CTNNA3: variants seen among roughly 807,000 people sequenced by gnomAD.
CTNNA3 encodes catenin alpha 3.
In CTNNA3, 76 loss-of-function variants were observed where a neutral mutation model predicts 95.7. The ratio of observed to expected loss-of-function variants is 0.79; its 90% CI spans 0.66 to 0.96. CTNNA3 has a LOEUF of 0.96. Ranked by LOEUF, CTNNA3 falls within the 40% of genes least tolerant of loss-of-function variation. CTNNA3 has a pLI of 0.00. For synonymous variants in CTNNA3, 431 were observed against 374.4 expected (o/e 1.15, Z -1.74); for missense variants, 1,191 against 1,089.8 (o/e 1.09, Z -1.31).
chr10:66,512,150 A>G (rs955762917), intron 11 of CTNNA3, among the ~76,000 whole-genome samples: 11 of 151,480 alleles, frequency 7.3e-5, no homozygotes, highest in Non-Finnish European at 1.6e-4. Context: ...TTATCTTTTT[A>G]TTTTTAATAA....
chr10:67,188,804 T>A (rs540217273), intron 6 of CTNNA3, among the ~76,000 whole-genome samples: 15 of 152,276 alleles, frequency 9.9e-5, no homozygotes, highest in Admixed American at 8.5e-4. Context: ...GGAATACTAT[T>A]CAGCCTTTAA....
intron 17 of CTNNA3, among the ~76,000 whole-genome samples, chr10:65,961,924 G>A (rs1161075450): frequency 6.6e-6 from 1 of 152,066 alleles, no homozygotes; most frequent in Non-Finnish European, 1.5e-5. Flanking sequence ...AGAGCCGGAA[G>A]CCAAGAAAAG....
chr10:66,199,800 TATATA>T (rs1306174841), intron 13 of CTNNA3, among the ~76,000 whole-genome samples: 12 of 17,990 alleles, frequency 6.7e-4, no homozygotes, highest in South Asian at 3.9e-3. Flanking sequence ...TATATATATA[TATATA>T]TTTTTTTTTT....
At chr10:66,923,827 T>C (rs1157065036) in intron 7 of CTNNA3, among the ~76,000 whole-genome samples, 1 of 152,230 alleles carries the variant, frequency 6.6e-6, no homozygotes, top group Non-Finnish European at 1.5e-5. Flanking sequence ...CATTACATAA[T>C]CAGTTATACT....
chr10:67,142,660 G>A (rs952640321), intron 7 of CTNNA3, among the ~76,000 whole-genome samples: 21 of 152,280 alleles, frequency 1.4e-4, no homozygotes, highest in African/African-American at 3.8e-4. Context: ...AAGGCTGGGC[G>A]CAGTGGCTCA....
chr10:66,593,802 G>T (rs114590249), intron 10 of CTNNA3, among the ~76,000 whole-genome samples: 1 of 151,930 alleles, frequency 6.6e-6, no homozygotes, highest in Non-Finnish European at 1.5e-5. Context: ...CCACAATCTC[G>T]TGATTCTCTT....
At chr10:67,060,588 AT>A (rs542116462) in intron 7 of CTNNA3, among the ~76,000 whole-genome samples, 14 of 152,276 alleles carry the variant, frequency 9.2e-5, no homozygotes, top group African/African-American at 3.4e-4. Flanking sequence ...AGTGGAAAGG[AT>A]TTGTGTCACT....
chr10:67,446,650 T>C (rs547801616), intron 5 of CTNNA3, among the ~76,000 whole-genome samples: 14 of 152,308 alleles, frequency 9.2e-5, no homozygotes, highest in African/African-American at 3.1e-4. Context: ...TTTTGAAAAC[T>C]AGATAGGATC....
chr10:66,107,129 C>A lies in CTNNA3; in HGVS notation c.1885-3880G>T, dbSNP rs141572184. Among the ~76,000 whole-genome samples the A allele has an allele frequency of 2.1e-4, 32 of 152,280 alleles. No individual in the cohort carries two copies. The East Asian group carries it at 6.2e-3, about 29-fold the overall frequency. On this transcript the variant is annotated intron_variant, in intron 13 of 17. Transcript: ENST00000433211. ...AGGGATGATGGAAATAATTTGTCTTCTTTAAGCTGGGCTGTCTCTAAACCA... is the reference window on the plus strand; with the variant it reads ...AGGGATGATGGAAATAATTTGTCTTATTTAAGCTGGGCTGTCTCTAAACCA...
chr10:66,644,410 G>C (rs1261916626), intron 9 of CTNNA3, among the ~76,000 whole-genome samples: 2 of 146,088 alleles, frequency 1.4e-5, no homozygotes, highest in Non-Finnish European at 3.0e-5. Context: ...TATATTTTGA[G>C]ACCAAGTCTC....
At chr10:67,445,694 T>G (rs972937317) in intron 5 of CTNNA3, among the ~76,000 whole-genome samples, 2 of 152,148 alleles carry the variant, frequency 1.3e-5, no homozygotes, top group African/African-American at 4.8e-5. Flanking sequence ...ATACCACTAT[T>G]CAGCAGCCAA....
chr10:67,749,953 C>T (rs1841396098), intron 1 of CTNNA3, among the ~76,000 whole-genome samples: 1 of 152,096 alleles, frequency 6.6e-6, no homozygotes, highest in South Asian at 2.1e-4. Flanking sequence ...GCTGTGGAAG[C>T]TTTGTTCTTT....
At chr10:67,656,380 G>A (rs1331272776) in intron 1 of CTNNA3, among the ~76,000 whole-genome samples, 1 of 152,086 alleles carries the variant, frequency 6.6e-6, no homozygotes, top group East Asian at 1.9e-4. Context: ...TTTTTGGTAG[G>A]CTATAAGAGC....
chr10:67,454,120 T>C (rs1200117866), intron 5 of CTNNA3, among the ~76,000 whole-genome samples: 2 of 152,272 alleles, frequency 1.3e-5, no homozygotes, highest in Middle Eastern at 3.4e-3. Context: ...AGAATCACTA[T>C]ATTAGAGATG....
intron 13 of CTNNA3, among the ~76,000 whole-genome samples, chr10:66,147,532 G>T (rs2083950375): frequency 6.6e-6 from 1 of 150,542 alleles, no homozygotes; most frequent in Admixed American, 6.6e-5. Flanking sequence ...ATTTTTAAAG[G>T]CTACATAATA....
intron 9 of CTNNA3, among the ~76,000 whole-genome samples, chr10:66,640,249 C>G (rs1845470786): frequency 6.6e-6 from 1 of 152,114 alleles, no homozygotes; most frequent in Admixed American, 6.5e-5. Context: ...CATCTTTCAG[C>G]TGCTGGGGAT....
intron 7 of CTNNA3, among the ~76,000 whole-genome samples, chr10:66,814,266 G>GAAAAAAAAAA (rs71035182): frequency 7.3e-6 from 1 of 137,094 alleles, no homozygotes; most frequent in African/African-American, 2.7e-5. Context: ...AAGGAGGAAA[G>GAAAAAAAAAA]AAAAAAAAAA....
chr10:66,339,588 C>T (rs530024813), intron 12 of CTNNA3, among the ~76,000 whole-genome samples: 2 of 151,798 alleles, frequency 1.3e-5, no homozygotes, highest in East Asian at 3.9e-4. Flanking sequence ...ATTCTTATGT[C>T]CTACTTGGTT....
intron 3 of CTNNA3, among the ~76,000 whole-genome samples, chr10:67,562,581 G>C (rs1475777366): frequency 6.6e-6 from 1 of 152,160 alleles, no homozygotes; most frequent in Admixed American, 6.5e-5. Context: ...ACTGGCACAA[G>C]ACAGGGATGC....
Sources: allele counts gnomAD v4.1 joint callset (sites outside exome capture counted in the v4.1 genomes callset), GRCh38; gene constraint gnomAD v4.1.1; transcripts MANE v1.5; gene names NCBI Gene and HGNC (gene_info 2026-07-23, HGNC 2026-07-21).